The following CDK6 variants were observed in gnomAD, a reference collection of about 807,000 sequenced individuals.
CDK6 encodes cyclin-dependent kinase 6.
CDK6 carries 6 observed loss-of-function variants against 37.1 expected under a neutral mutation model. The observed-to-expected ratio is 0.16, with a 90% confidence interval of 0.09 to 0.32. The LOEUF (loss-of-function observed/expected upper bound fraction) is 0.32, where lower values mean the gene tolerates loss of function less well. Ranked by LOEUF, CDK6 falls within the 10% of genes least tolerant of loss-of-function variation. The pLI, the probability that CDK6 is intolerant of heterozygous loss-of-function variation, is 1.00. For missense variants in CDK6, 224 were observed against 418.9 expected (o/e 0.53, Z 4.06); for synonymous variants, 160 against 161.3 (o/e 0.99, Z 0.06).
intron 2 of CDK6, among the ~76,000 whole-genome samples, chr7:92,832,855 C>A (rs533477809): frequency 6.6e-6 from 1 of 152,326 alleles, no homozygotes; most frequent in East Asian, 1.9e-4. Flanking sequence ...TGCAGGGAAG[C>A]CTGCTCAGGT....
At chr7:92,646,166 T>C (rs1013034251) in intron 5 of CDK6, among the ~76,000 whole-genome samples, 1 of 152,200 alleles carries the variant, frequency 6.6e-6, no homozygotes, top group African/African-American at 2.4e-5. Flanking sequence ...CAGGGTAATA[T>C]CTGACTTTTC....
chr7:92,632,514 T>G (rs1247300920), intron 5 of CDK6, among the ~76,000 whole-genome samples: 1 of 152,192 alleles, frequency 6.6e-6, no homozygotes, highest in Non-Finnish European at 1.5e-5. Context: ...CCCTTGAATG[T>G]CAGTGATGTT....
At chr7:92,629,022 G>T (rs1049486947) in intron 5 of CDK6, among the ~76,000 whole-genome samples, 8 of 152,004 alleles carry the variant, frequency 5.3e-5, no homozygotes, top group African/African-American at 1.7e-4. Context: ...GGGGAAAGAC[G>T]CACTTGAAGT....
intron 5 of CDK6, among the ~76,000 whole-genome samples, chr7:92,636,608 C>A (rs1172963219): frequency 6.6e-6 from 1 of 152,056 alleles, no homozygotes; most frequent in Admixed American, 6.5e-5. Flanking sequence ...TAAAAAACAG[C>A]ATGTACAGGA....
chr7:92,680,535 G>A (rs896978135), intron 4 of CDK6, among the ~76,000 whole-genome samples: 1 of 149,994 alleles, frequency 6.7e-6, no homozygotes, highest in Admixed American at 6.6e-5. Context: ...GCTAGAAGGA[G>A]ATGTTTTGAC....
At chr7:92,667,866 G>C (rs1796993450) in intron 5 of CDK6, among the ~76,000 whole-genome samples, 1 of 152,158 alleles carries the variant, frequency 6.6e-6, no homozygotes, top group Admixed American at 6.5e-5. Flanking sequence ...AATTTAAAAA[G>C]TTTATGAAGT....
At chr7:92,717,845 T>C in intron 4 of CDK6, among the ~76,000 whole-genome samples, 1 of 152,222 alleles carries the variant, frequency 6.6e-6, no homozygotes, top group East Asian at 1.9e-4. Flanking sequence ...AACAGCAGCT[T>C]TCTGTGCAGT....
intron 2 of CDK6, among the ~76,000 whole-genome samples, chr7:92,806,040 G>A (rs138438306): frequency 1.6e-4 from 24 of 152,176 alleles, no homozygotes; most frequent in East Asian, 7.7e-4. Context: ...TAATGTCACC[G>A]CATTATACAT....
At chr7:92,804,467 G>A (rs560879689) in intron 2 of CDK6, among the ~76,000 whole-genome samples, 1 of 152,010 alleles carries the variant, frequency 6.6e-6, no homozygotes, top group Non-Finnish European at 1.5e-5. Flanking sequence ...ATCTCACCTC[G>A]CTCCCAATCA....
intron 3 of CDK6, among the ~76,000 whole-genome samples, chr7:92,749,465 A>G (rs1248747943): frequency 9.9e-5 from 15 of 152,188 alleles, no homozygotes. Context: ...TCTGTCTGAC[A>G]AAAACAAAAA....
chr7:92,618,920 G>A (rs534718341), intron 6 of CDK6, among the ~76,000 whole-genome samples: 14 of 152,232 alleles, frequency 9.2e-5, no homozygotes, highest in Non-Finnish European at 2.1e-4. Context: ...CACAGGCTTC[G>A]GAAATAGGCA....
At chr7:92,718,481 TA>T (rs1485817081) in intron 4 of CDK6, among the ~76,000 whole-genome samples, 1 of 152,182 alleles carries the variant, frequency 6.6e-6, no homozygotes, top group Non-Finnish European at 1.5e-5. Flanking sequence ...GAAACAAGCA[TA>T]AACAATTTAT....
intron 2 of CDK6, among the ~76,000 whole-genome samples, chr7:92,808,355 T>G (rs947459959): frequency 3.3e-5 from 5 of 152,236 alleles, no homozygotes; most frequent in Admixed American, 3.3e-4. Context: ...GGAGGTTTCT[T>G]TGCTTTTGCC....
intron 3 of CDK6, among the ~76,000 whole-genome samples, chr7:92,741,945 T>C (rs1174493319): frequency 6.6e-6 from 1 of 152,152 alleles, no homozygotes; most frequent in Non-Finnish European, 1.5e-5. Flanking sequence ...CCTGACAGAT[T>C]CTAGGGAAGA....
chr7:92,645,935 A>C (rs557775001), intron 5 of CDK6, among the ~76,000 whole-genome samples: 1 of 152,218 alleles, frequency 6.6e-6, no homozygotes, highest in Non-Finnish European at 1.5e-5. Context: ...ATGGAAAAGG[A>C]GTCATAAAGA....
chr7:92,726,530 C>A (rs1311094699), intron 3 of CDK6, among the ~76,000 whole-genome samples: 1 of 152,170 alleles, frequency 6.6e-6, no homozygotes, highest in Non-Finnish European at 1.5e-5. Context: ...CCTGCCTCAG[C>A]CTCCCAAGTA....
At chr7:92,693,753 T>C (rs1797647915) in intron 4 of CDK6, among the ~76,000 whole-genome samples, 1 of 152,220 alleles carries the variant, frequency 6.6e-6, no homozygotes, top group African/African-American at 2.4e-5. Flanking sequence ...GGTCATATTG[T>C]CAGCTTTGAT....
chr7:92,791,842 T>C (rs1026971805), intron 2 of CDK6, among the ~76,000 whole-genome samples: 2 of 152,086 alleles, frequency 1.3e-5, no homozygotes, highest in African/African-American at 4.8e-5. Context: ...ATTTGGGGAA[T>C]TGCGGATAGT....
rs1241175585 is a variant in CDK6 at position 92,608,549 on chromosome 7, A to G, written c.*6591T>C. 1 of 231,794 alleles carries G rather than the reference A, an allele frequency of 4.3e-6. No homozygotes were observed. Among genetic ancestry groups the G allele is most frequent in the Non-Finnish European group, 8.5e-6 (1 of 117,142 alleles). 14.4% of individuals were successfully genotyped at this position (231,794 alleles called of 1,614,324 possible). On this transcript the variant is annotated 3_prime_UTR_variant, in exon 8 of 8. Coordinates refer to ENST00000424848, the MANE Select transcript of CDK6 (RefSeq NM_001145306.2). The stretch of plus-strand genomic sequence containing the variant: ...CTGCAATTATACATCTTTTCTTTAA[A>G]AAAACAAAAACAAAAACAAAAACTG...
Sources: gnomAD v4.1 joint callset for allele counts (sites outside exome capture counted in the v4.1 genomes callset) on GRCh38, gnomAD v4.1.1 for gene constraint, MANE v1.5 for transcripts, NCBI Gene and HGNC (gene_info 2026-07-23, HGNC 2026-07-21) for gene names.